The following CTIF variants were observed in gnomAD, a reference collection of about 807,000 sequenced individuals.
CTIF encodes CBP80/20-dependent translation initiation factor.
In CTIF, 21 loss-of-function variants were observed where a neutral mutation model predicts 66.0. The observed-to-expected ratio is 0.32, with a 90% CI of 0.23 to 0.46. The LOEUF (loss-of-function observed/expected upper bound fraction) is 0.46. Ranked by LOEUF, CTIF falls within the 20% of genes least tolerant of loss-of-function variation. CTIF has a pLI of 1.00. For synonymous variants in CTIF, 345 were observed against 326.4 expected (o/e 1.06, Z -0.62); for missense variants, 739 against 812.7 (o/e 0.91, Z 1.10).
At chr18:48,845,797 G>A (rs548574791) in intron 10 of CTIF, among the ~76,000 whole-genome samples, 20 of 152,130 alleles carry the variant, frequency 1.3e-4, no homozygotes, top group East Asian at 1.9e-4. Flanking sequence ...CATCACTTAC[G>A]CAGTTGACCA....
chr18:48,731,611 G>A (rs958797004), intron 7 of CTIF, among the ~76,000 whole-genome samples: 6 of 152,192 alleles, frequency 3.9e-5, no homozygotes, highest in Non-Finnish European at 7.3e-5. Flanking sequence ...TGTGTGGATG[G>A]ATGGGATTTC....
At chr18:48,736,247 C>G (rs1163604313) in intron 7 of CTIF, among the ~76,000 whole-genome samples, 1 of 152,144 alleles carries the variant, frequency 6.6e-6, no homozygotes, top group African/African-American at 2.4e-5. Context: ...TTATGTATTT[C>G]ATGTCTGGGA....
rs75980206 is a variant in CTIF at position 48,670,796 on chromosome 18, G to A, written c.507+52G>A. On this transcript the variant is annotated intron_variant, in intron 6 of 11. Coordinates refer to ENST00000256413, the MANE Select transcript of CTIF (RefSeq NM_014772.3). The stretch of plus-strand genomic sequence containing the variant: ...AGCCCACCCCCACCCCTGGAGTCCT[G>A]ATCCTCTTCCTGGACAGGACCTAAC... The A allele has an allele frequency of 4.8e-4, 713 of 1,496,772 alleles. 4 individuals are homozygous for A. In the East Asian group the frequency reaches 0.013, roughly 27 times the overall value. The allele number at this position is 1,496,772 out of a possible 1,614,324, so 92.7% of individuals were successfully genotyped here.
chr18:48,546,699 C>T (rs944339430), intron 1 of CTIF, among the ~76,000 whole-genome samples: 8 of 152,004 alleles, frequency 5.3e-5, no homozygotes, highest in Admixed American at 2.0e-4. Flanking sequence ...TGCATCTCCT[C>T]CGAGACTAGA....
At chr18:48,680,396 A>ATTG (rs2145135209) in intron 6 of CTIF, among the ~76,000 whole-genome samples, 1 of 152,368 alleles carries the variant, frequency 6.6e-6, no homozygotes, top group Admixed American at 6.5e-5. Flanking sequence ...AGCCTTCCTC[A>ATTG]AGGTCTCAGC....
At chr18:48,706,249 G>C (rs1356538883) in intron 6 of CTIF, among the ~76,000 whole-genome samples, 1 of 152,164 alleles carries the variant, frequency 6.6e-6, no homozygotes, top group African/African-American at 2.4e-5. Flanking sequence ...TGCTCTGTAA[G>C]AACAAGCATA....
At chr18:48,618,286 T>G (rs985020164) in intron 1 of CTIF, among the ~76,000 whole-genome samples, 16 of 152,384 alleles carry the variant, frequency 1.0e-4, no homozygotes, top group South Asian at 4.1e-4. Context: ...ACCTCGCCTT[T>G]ATTACTGGCA....
rs184200934 is a variant in CTIF, at chr18:48,715,044, C to G, written c.584+3349C>G. On this transcript the variant is annotated intron_variant, in intron 7 of 11. Coordinates refer to ENST00000256413, the MANE Select transcript of CTIF (RefSeq NM_014772.3). ...TGATTGTGGCAGCAAACCCGGAAAGCCTTGCCCTGCATTCCCTCCAGGGGC... is the reference window on the plus strand; with the variant it reads ...TGATTGTGGCAGCAAACCCGGAAAGGCTTGCCCTGCATTCCCTCCAGGGGC... Among the ~76,000 whole-genome samples, 5 of 152,258 alleles carry G rather than the reference C, an allele frequency of 3.3e-5. No individual in the cohort carries two copies. In the East Asian group the frequency reaches 9.7e-4, roughly 29 times the overall value.
At chr18:48,809,798 C>G (rs1297806001) in intron 9 of CTIF, among the ~76,000 whole-genome samples, 1 of 151,648 alleles carries the variant, frequency 6.6e-6, no homozygotes, top group Non-Finnish European at 1.5e-5. Context: ...TCACCTATTT[C>G]ATCATTTTTT....
chr18:48,558,915 T>C (rs932155202), intron 1 of CTIF, among the ~76,000 whole-genome samples: 1 of 152,212 alleles, frequency 6.6e-6, no homozygotes. Flanking sequence ...AGCTAACCCA[T>C]CCTGGTAAAC....
At chr18:48,646,163 A>C (rs541339269) in intron 3 of CTIF, among the ~76,000 whole-genome samples, 3 of 152,198 alleles carry the variant, frequency 2.0e-5, no homozygotes, top group Middle Eastern at 3.2e-3. Context: ...TGCAAAACAT[A>C]TCTGACAAAC....
chr18:48,742,224 G>A (rs551580775), intron 7 of CTIF, among the ~76,000 whole-genome samples: 1 of 152,358 alleles, frequency 6.6e-6, no homozygotes, highest in African/African-American at 2.4e-5. Context: ...CAAGAACCAA[G>A]AGAAGATGTG....
chr18:48,549,363 A>G (rs1249831373), intron 1 of CTIF, among the ~76,000 whole-genome samples: 1 of 152,222 alleles, frequency 6.6e-6, no homozygotes, highest in African/African-American at 2.4e-5. Context: ...GATGAAAACC[A>G]TCGGGCTTGT....
In CTIF at chr18:48,662,960, T is replaced by C. The variant is rs113789439; in HGVS notation, c.253-792T>C. Among the ~76,000 whole-genome samples, 230 of 152,298 alleles carry C rather than the reference T, an allele frequency of 1.5e-3. 2 individuals are homozygous for C. The highest frequency in any genetic ancestry group is 5.5e-3 in the African/African-American group (228 of 41,564). Reference sequence around the variant, plus strand: ...GGAGCTGTAATGGCGGATGCTGCTGTATACGCTTTCTGTACATGTCTTTTG... The same window carrying C: ...GGAGCTGTAATGGCGGATGCTGCTGCATACGCTTTCTGTACATGTCTTTTG... On this transcript the variant is annotated intron_variant, in intron 3 of 11. Transcript: ENST00000256413.
At chr18:48,816,487 T>C (rs2068366074) in intron 9 of CTIF, among the ~76,000 whole-genome samples, 2 of 152,166 alleles carry the variant, frequency 1.3e-5, no homozygotes, top group African/African-American at 2.4e-5. Flanking sequence ...GGTATGACTG[T>C]GGTATTTCAT....
rs959348414 is a variant in CTIF, at chr18:48,638,560, G to A, written c.252+1875G>A. On this transcript the variant is annotated intron_variant, in intron 3 of 11. Coordinates refer to ENST00000256413, the MANE Select transcript of CTIF (RefSeq NM_014772.3). Reference sequence around the variant, plus strand: ...GGTCTGCCTTCCCCACCTGCAGGAGGTCATGTAGGGGTTCGCCAGATAATA... The same window carrying A: ...GGTCTGCCTTCCCCACCTGCAGGAGATCATGTAGGGGTTCGCCAGATAATA... Among the ~76,000 whole-genome samples the A allele has an allele frequency of 5.9e-5, 9 of 152,048 alleles. No individual in the cohort carries two copies. The South Asian group carries it at 1.9e-3, about 32-fold the overall frequency.
chr18:48,627,182 A>G (rs577516818), intron 2 of CTIF, among the ~76,000 whole-genome samples: 2 of 152,228 alleles, frequency 1.3e-5, no homozygotes, highest in Non-Finnish European at 2.9e-5. Flanking sequence ...GGTTTTTAGC[A>G]TAAAGTGTAA....
intron 6 of CTIF, among the ~76,000 whole-genome samples, chr18:48,701,417 A>T (rs916018502): frequency 6.6e-6 from 1 of 152,172 alleles, no homozygotes; most frequent in African/African-American, 2.4e-5. Context: ...CCATGAGCCT[A>T]AGTGGCCTGT....
chr18:48,594,010 G>GCC (rs2089942980), intron 1 of CTIF, among the ~76,000 whole-genome samples: 7 of 152,148 alleles, frequency 4.6e-5, no homozygotes, highest in Admixed American at 2.6e-4. Flanking sequence ...ATGGACCAAA[G>GCC]AGGTGAATTT....
Sources: gnomAD v4.1 joint callset for allele counts (sites outside exome capture counted in the v4.1 genomes callset) on GRCh38, gnomAD v4.1.1 for gene constraint, MANE v1.5 for transcripts, NCBI Gene and HGNC (gene_info 2026-07-23, HGNC 2026-07-21) for gene names.